Variants in SGMS1 observed in about 807,000 individuals in gnomAD.
SGMS1 encodes phosphatidylcholine:ceramide cholinephosphotransferase 1.
SGMS1 carries 13 observed loss-of-function variants against 46.2 expected under a neutral mutation model. The observed-to-expected ratio is 0.28, with a 90% CI of 0.18 to 0.45. The LOEUF (loss-of-function observed/expected upper bound fraction) is 0.45, where lower values mean the gene tolerates loss of function less well. Ranked by LOEUF, SGMS1 falls within the 20% of genes least tolerant of loss-of-function variation. The pLI is 1.00. For missense variants in SGMS1, 324 were observed against 519.9 expected (o/e 0.62, Z 3.66); for synonymous variants, 203 against 187.8 (o/e 1.08, Z -0.66).
intron 3 of SGMS1, among the ~76,000 whole-genome samples, chr10:50,511,970 C>T (rs1224308693): frequency 1.3e-5 from 2 of 152,140 alleles, no homozygotes; most frequent in African/African-American, 4.8e-5. Context: ...GGCATCTGTA[C>T]CCTCAGCTCC....
chr10:50,341,395 T>C (rs1214945296), intron 7 of SGMS1: 2 of 455,934 alleles, frequency 4.4e-6, no homozygotes, highest in Non-Finnish European at 8.8e-6. Flanking sequence ...GGACGATGCT[T>C]AGGAAGATCA....
intron 7 of SGMS1, among the ~76,000 whole-genome samples, chr10:50,338,445 C>T (rs1475842066): frequency 2.0e-5 from 3 of 152,136 alleles, no homozygotes; most frequent in Non-Finnish European, 2.9e-5. Flanking sequence ...GACTTCATTT[C>T]GCTCGGAAAT....
upstream of SGMS1, chr10:50,625,093 G>A (rs888704458): frequency 1.0e-6 from 1 of 985,976 alleles, no homozygotes; most frequent in Non-Finnish European, 1.2e-6. Flanking sequence ...CCTCGCCTTG[G>A]GGTATAGGAG....
intron 2 of SGMS1, among the ~76,000 whole-genome samples, chr10:50,542,712 AATATTATAT>A (rs1305515124): frequency 6.7e-6 from 1 of 148,188 alleles, no homozygotes; most frequent in Non-Finnish European, 1.5e-5. Context: ...ATAACCTATA[AATATTATAT>A]ATATTATATT....
chr10:50,593,290 A>G (rs1326097541), intron 1 of SGMS1, among the ~76,000 whole-genome samples: 1 of 152,158 alleles, frequency 6.6e-6, no homozygotes, highest in Non-Finnish European at 1.5e-5. Flanking sequence ...CTGCAACCTC[A>G]TGAGAGACTG....
chr10:50,623,167 G>C (rs1588896130), intron 1 of SGMS1, among the ~76,000 whole-genome samples: 1 of 152,206 alleles, frequency 6.6e-6, no homozygotes, highest in Middle Eastern at 3.4e-3. Context: ...GCATCGAGGG[G>C]CTACGGTGGG....
chr10:50,492,773 T>C (rs1837577695), intron 3 of SGMS1, among the ~76,000 whole-genome samples: 1 of 152,204 alleles, frequency 6.6e-6, no homozygotes, highest in Admixed American at 6.5e-5. Context: ...CCACCATTGA[T>C]ATTCTTCACA....
At chr10:50,486,722 T>G (rs933286110) in intron 3 of SGMS1, among the ~76,000 whole-genome samples, 2 of 152,226 alleles carry the variant, frequency 1.3e-5, no homozygotes, top group African/African-American at 4.8e-5. Context: ...GAATGTAAAT[T>G]CATTCAACCA....
intron 6 of SGMS1, among the ~76,000 whole-genome samples, chr10:50,398,995 T>C (rs760700592): frequency 9.2e-5 from 14 of 152,104 alleles, no homozygotes; most frequent in Admixed American, 2.0e-4. Context: ...AGATTAGTAG[T>C]TGCCTAGGGC....
intron 1 of SGMS1, among the ~76,000 whole-genome samples, chr10:50,615,453 C>T (rs1838787902): frequency 6.6e-6 from 1 of 152,176 alleles, no homozygotes; most frequent in African/African-American, 2.4e-5. Context: ...TGTTATGACA[C>T]CTACCAGAGA....
At chr10:50,319,202 TGAAAAA>T in intron 8 of SGMS1, among the ~76,000 whole-genome samples, 1 of 152,156 alleles carries the variant, frequency 6.6e-6, no homozygotes. Context: ...CTTTTTAGTT[TGAAAAA>T]TTATAAATGT....
chr10:50,528,102 A>G (rs896199579), intron 2 of SGMS1, among the ~76,000 whole-genome samples: 19 of 152,228 alleles, frequency 1.2e-4, no homozygotes, highest in Admixed American at 1.3e-4. Flanking sequence ...ATTTAAGAGT[A>G]CCAAGTACAC....
At chr10:50,324,958 A>T (rs1847506568) in intron 8 of SGMS1, among the ~76,000 whole-genome samples, 1 of 152,224 alleles carries the variant, frequency 6.6e-6, no homozygotes, top group Non-Finnish European at 1.5e-5. Flanking sequence ...ATTTATACAA[A>T]CCAACTGTAA....
chr10:50,560,557 T>G (rs1441897121), intron 2 of SGMS1, among the ~76,000 whole-genome samples: 1 of 143,888 alleles, frequency 6.9e-6, no homozygotes, highest in Non-Finnish European at 1.5e-5. Flanking sequence ...GTGTAATATA[T>G]TATATGACAT....
intron 1 of SGMS1, among the ~76,000 whole-genome samples, chr10:50,613,461 AC>A (rs1838768683): frequency 6.6e-6 from 1 of 152,184 alleles, no homozygotes; most frequent in South Asian, 2.1e-4. Context: ...ATTTACTGCC[AC>A]TGTCAACCCT....
chr10:50,493,681 G>C (rs770513494), intron 3 of SGMS1, among the ~76,000 whole-genome samples: 14 of 151,394 alleles, frequency 9.2e-5, no homozygotes, highest in Non-Finnish European at 1.5e-4. Context: ...TTTCAAAAGA[G>C]ATACATGCAG....
intron 7 of SGMS1, among the ~76,000 whole-genome samples, chr10:50,331,657 T>C (rs912334058): frequency 6.6e-6 from 1 of 152,224 alleles, no homozygotes; most frequent in African/African-American, 2.4e-5. Flanking sequence ...ACCTTCTTTC[T>C]ACCTGTTGTC....
intron 6 of SGMS1, among the ~76,000 whole-genome samples, chr10:50,411,707 C>G (rs980775248): frequency 2.0e-5 from 3 of 152,150 alleles, no homozygotes; most frequent in African/African-American, 7.2e-5. Flanking sequence ...ATCAGCTTGA[C>G]TTTCAGTTTG....
At chr10:50,508,642 G>A (rs1166864336) in intron 3 of SGMS1, among the ~76,000 whole-genome samples, 1 of 152,172 alleles carries the variant, frequency 6.6e-6, no homozygotes, top group African/African-American at 2.4e-5. Flanking sequence ...ACTGTGGCAG[G>A]TGGTTGGAAA....
Sources: gnomAD v4.1 joint callset for allele counts (sites outside exome capture counted in the v4.1 genomes callset) on GRCh38, gnomAD v4.1.1 for gene constraint, MANE v1.5 for transcripts, NCBI Gene and HGNC (gene_info 2026-07-23, HGNC 2026-07-21) for gene names.